The following DLGAP2 variants were observed in gnomAD, a reference collection of about 807,000 sequenced individuals.
DLGAP2 encodes disks large-associated protein 2.
DLGAP2 carries 26 observed loss-of-function variants against 100.3 expected under a neutral mutation model. The ratio of observed to expected loss-of-function variants is 0.26; its 90% CI spans 0.19 to 0.36. The LOEUF (loss-of-function observed/expected upper bound fraction) is 0.36. Ranked by LOEUF, DLGAP2 falls within the 10% of genes least tolerant of loss-of-function variation. The pLI, the probability that DLGAP2 is intolerant of heterozygous loss-of-function variation, is 1.00. For missense variants in DLGAP2, 1,858 were observed against 1,453.2 expected, an observed-to-expected ratio of 1.28 and a Z score of -4.53; for synonymous variants, 886 against 630.1, an observed-to-expected ratio of 1.41 and a Z score of -6.08.
At chr8:1,079,842 G>A (rs1156803682) in intron 2 of DLGAP2, among the ~76,000 whole-genome samples, 1 of 152,234 alleles carries the variant, frequency 6.6e-6, no homozygotes, top group Non-Finnish European at 1.5e-5. Context: ...ACGTCAGTGA[G>A]GATTTCACAG....
chr8:853,215 G>A (rs1797213595), intron 1 of DLGAP2, among the ~76,000 whole-genome samples: 1 of 152,202 alleles, frequency 6.6e-6, no homozygotes, highest in South Asian at 2.1e-4. Context: ...ACAGAGAAAG[G>A]ACGCGGAGCA....
intron 2 of DLGAP2, among the ~76,000 whole-genome samples, chr8:928,092 G>C (rs1798857560): frequency 6.6e-6 from 1 of 152,328 alleles, no homozygotes; most frequent in Admixed American, 6.5e-5. Flanking sequence ...TTTGTGGCAG[G>C]TCCTGTGACT....
Position 1,461,671 on chromosome 8 carries a change from C to G in DLGAP2, c.107-39695C>G, listed in dbSNP as rs1194334218. Among the ~76,000 whole-genome samples, 3 of 56,146 alleles carry G rather than the reference C, an allele frequency of 5.3e-5. 1 individual carries two copies. The highest frequency in any genetic ancestry group is 9.6e-5 in the Non-Finnish European group (3 of 31,374). The allele number at this position is 56,146 out of a possible 152,430, so 36.8% of individuals were successfully genotyped here. A position where few individuals can be genotyped will look rare whatever the true frequency, so the allele number is the denominator to read the frequency against. On this transcript the variant is annotated intron_variant, in intron 3 of 14. Coordinates refer to ENST00000637795, the MANE Select transcript of DLGAP2 (RefSeq NM_001346810.2). ...GCGGCATTTGGGTTGGGAGAAGGTG[C>G]TGCTGTCACAGGACTGGGTGCAGTC... is the stretch of plus-strand genomic sequence containing the variant.
chr8:1,314,141 C>A (rs999669217), intron 3 of DLGAP2, among the ~76,000 whole-genome samples: 1 of 152,176 alleles, frequency 6.6e-6, no homozygotes, highest in Non-Finnish European at 1.5e-5. Flanking sequence ...TGTAACCTTT[C>A]ATAAAATCCT....
intron 2 of DLGAP2, among the ~76,000 whole-genome samples, chr8:1,047,128 TGGCAGTC>T (rs1208276348): frequency 1.3e-5 from 2 of 152,232 alleles, no homozygotes; most frequent in Non-Finnish European, 2.9e-5. Flanking sequence ...CCTAACTGGT[TGGCAGTC>T]ACTGCCCATC....
chr8:1,660,718 G>T (rs1030244329), intron 8 of DLGAP2, among the ~76,000 whole-genome samples: 1 of 152,074 alleles, frequency 6.6e-6, no homozygotes, highest in Non-Finnish European at 1.5e-5. Context: ...TATTTTTAGG[G>T]GATTAAAAAT....
At chr8:976,238 T>C (rs1244867962) in intron 2 of DLGAP2, among the ~76,000 whole-genome samples, 1 of 152,152 alleles carries the variant, frequency 6.6e-6, no homozygotes, top group Admixed American at 6.5e-5. Context: ...TCGAGACTTA[T>C]TAGAAAGGTA....
chr8:943,932 A>C (rs1336387764), intron 2 of DLGAP2, among the ~76,000 whole-genome samples: 2 of 152,264 alleles, frequency 1.3e-5, no homozygotes, highest in Non-Finnish European at 2.9e-5. Flanking sequence ...ATAAGATTTG[A>C]ATCTGTCAGT....
intron 6 of DLGAP2, among the ~76,000 whole-genome samples, chr8:1,592,368 A>G (rs1416718102): frequency 6.6e-6 from 1 of 152,114 alleles, no homozygotes; most frequent in Non-Finnish European, 1.5e-5. Flanking sequence ...CCTTTCTAAC[A>G]TCTTTATATT....
chr8:1,393,027 C>CAGAG lies in DLGAP2; in HGVS notation c.107-108339_107-108338insAGAG, dbSNP rs1360521651. On this transcript the variant is annotated intron_variant, in intron 3 of 14. Transcript: ENST00000637795. ...AGGTTTTCAGAACCTCCTTGTCCTC[C>CAGAG]TGAGTCGTGTATTGAGTGCTTACTG... 1.5e-3 allele frequency among the ~76,000 whole-genome samples: 84 copies of CAGAG among 56,896 alleles called. 2 individuals carry two copies. In the East Asian group the frequency reaches 0.017, roughly 11 times the overall value. 37.3% of individuals were successfully genotyped at this position (56,896 alleles called of 152,430 possible).
chr8:1,243,558 C>G lies in DLGAP2; in HGVS notation c.74-15293C>G, dbSNP rs1798843056. Among the ~76,000 whole-genome samples the G allele has an allele frequency of 5.3e-5, 8 of 152,266 alleles. No individual in the cohort carries two copies. The South Asian group carries it at 1.7e-3, about 32-fold the overall frequency. The stretch of plus-strand genomic sequence containing the variant: ...TTTCCTCTTATTTTTTCTTCTCGCT[C>G]ACGATATATTACAAAATTCTTTATG... On this transcript the variant is annotated intron_variant, in intron 2 of 14. Transcript: ENST00000637795.
intron 2 of DLGAP2, among the ~76,000 whole-genome samples, chr8:1,244,986 T>A (rs1195781248): frequency 4.6e-5 from 7 of 152,020 alleles, no homozygotes; most frequent in Non-Finnish European, 4.4e-5. Flanking sequence ...ACAGAAGGTG[T>A]GGAAAGACAC....
chr8:1,229,674 A>G (rs986333008), intron 2 of DLGAP2, among the ~76,000 whole-genome samples: 4 of 152,216 alleles, frequency 2.6e-5, no homozygotes, highest in South Asian at 4.1e-4. Flanking sequence ...ATTCACCACA[A>G]TCAAGTAGGC....
intron 2 of DLGAP2, among the ~76,000 whole-genome samples, chr8:1,216,939 A>G (rs981906672): frequency 1.3e-5 from 2 of 152,160 alleles, no homozygotes; most frequent in Non-Finnish European, 2.9e-5. Flanking sequence ...CCTGGCAAGG[A>G]TGATGTTGCT....
At chr8:1,453,992 C>T (rs533963741) in intron 3 of DLGAP2, among the ~76,000 whole-genome samples, 118 of 152,310 alleles carry the variant, frequency 7.7e-4, no homozygotes, top group African/African-American at 2.6e-3. Context: ...TGTCGGCTGG[C>T]GTGGCCTCCT....
At chr8:1,574,138 G>A (rs1025901370) in intron 6 of DLGAP2, among the ~76,000 whole-genome samples, 8 of 152,100 alleles carry the variant, frequency 5.3e-5, no homozygotes, top group Admixed American at 3.9e-4. Flanking sequence ...GCATATTTAC[G>A]GGAGAGGGAA....
At chr8:901,491 G>C (rs1331128605) in intron 1 of DLGAP2, among the ~76,000 whole-genome samples, 4 of 152,226 alleles carry the variant, frequency 2.6e-5, no homozygotes, top group African/African-American at 7.2e-5. Context: ...ATTGACCCTT[G>C]AGTGTGAGGG....
intron 2 of DLGAP2, among the ~76,000 whole-genome samples, chr8:926,867 C>G (rs1319863680): frequency 6.6e-6 from 1 of 152,256 alleles, no homozygotes; most frequent in African/African-American, 2.4e-5. Flanking sequence ...TGGTGGGGCT[C>G]ACAGCACTGC....
At chr8:1,425,533 C>G (rs1443792262) in intron 3 of DLGAP2, among the ~76,000 whole-genome samples, 1 of 152,148 alleles carries the variant, frequency 6.6e-6, no homozygotes. Flanking sequence ...TGAGTGCATC[C>G]CTGCAGGGGC....
Sources: gnomAD v4.1 joint callset for allele counts (sites outside exome capture counted in the v4.1 genomes callset) on GRCh38, gnomAD v4.1.1 for gene constraint, MANE v1.5 for transcripts, NCBI Gene and HGNC (gene_info 2026-07-23, HGNC 2026-07-21) for gene names.